AGPAT3: variants seen among roughly 807,000 people sequenced by gnomAD.
The protein encoded by AGPAT3 is 1-acyl-sn-glycerol-3-phosphate acyltransferase gamma.
AGPAT3 carries 5 observed loss-of-function variants against 47.3 expected under a neutral mutation model. The observed-to-expected ratio is 0.11, with a 90% CI of 0.06 to 0.22. The LOEUF (loss-of-function observed/expected upper bound fraction) is 0.22. AGPAT3 is among the 10% of genes least tolerant of loss of function. AGPAT3 has a pLI of 1.00. For missense variants in AGPAT3, 315 were observed against 493.0 expected (o/e 0.64, Z 3.42); for synonymous variants, 212 against 208.3 (o/e 1.02, Z -0.15).
In AGPAT3 at chr21:43,970,781, C is replaced by T. The variant is rs369879488; in HGVS notation, c.639C>T (p.Thr213=). Residue 213 remains threonine, a synonymous_variant, in exon 6 of 10, where the codon ACC becomes ACT. Transcript: ENST00000291572. The surrounding 1 kb of genome is among the most constrained non-coding windows in gnomAD (Gnocchi z 5.8). ...HLLPRTKGFT[T]AVKCLRGTVA... ...TGCCGCGGACCAAGGGCTTCACCAC[C>T]GCAGTCAAGTGCCTCCGGGGGACAG... The T allele has an allele frequency of 2.9e-5, 47 of 1,594,644 alleles. No homozygotes were observed. The highest frequency in any genetic ancestry group is 1.2e-4 in the Admixed American group (7 of 59,098).
chr21:43,899,267 TTGATG>T (rs2086297162), intron 1 of AGPAT3, among the ~76,000 whole-genome samples: 1 of 152,234 alleles, frequency 6.6e-6, no homozygotes, highest in Non-Finnish European at 1.5e-5. Flanking sequence ...TTTCAGCACT[TTGATG>T]TCAGCCTCTG....
At chr21:43,866,117 A>G (rs1601170826) in intron 1 of AGPAT3, among the ~76,000 whole-genome samples, 2 of 122,732 alleles carry the variant, frequency 1.6e-5, no homozygotes, top group African/African-American at 5.7e-5. Context: ...AAAATGGTGC[A>G]GTGTTTTTTT....
chr21:43,901,186 A>G (rs895520147), intron 1 of AGPAT3, among the ~76,000 whole-genome samples: 4 of 152,156 alleles, frequency 2.6e-5, no homozygotes, highest in South Asian at 2.1e-4. Context: ...TTAGCTGGGC[A>G]TAGTGGTATG....
rs1251617090 is a variant in AGPAT3 at position 43,922,055 on chromosome 21, A to G, written c.-49+18036A>G. On this transcript the variant is annotated intron_variant, in intron 2 of 9. Transcript: ENST00000291572. This position sits in a 1 kb window ranked among gnomAD's most constrained non-coding sequence, Gnocchi z 4.9. ...AGCAAATACTTGATAGATTGTTGTG[A>G]GAATGTGGGCTTCCTTATTTGGGGG... Among the ~76,000 whole-genome samples, 2 of 152,186 alleles carry G rather than the reference A, an allele frequency of 1.3e-5. No homozygotes were observed. Among genetic ancestry groups the G allele is most frequent in the African/African-American group, 4.8e-5 (2 of 41,434 alleles).
rs2087367341 is a variant in AGPAT3, at chr21:43,934,530, G to A, written c.-48-25104G>A. ...GGTGTCAGAGACGGGAAAGGACCTG[G>A]AAGAAAAGAACTGTTTCCTTTAGGC... On this transcript the variant is annotated intron_variant, in intron 2 of 9. Transcript: ENST00000291572. This position sits in a 1 kb window ranked among gnomAD's most constrained non-coding sequence, Gnocchi z 4.7. 1.3e-5 allele frequency among the ~76,000 whole-genome samples: 2 copies of A among 152,344 alleles called. No individual in the cohort carries two copies. The highest frequency in any genetic ancestry group is 4.1e-4 in the South Asian group (2 of 4,828).
At chr21:43,960,192 G>C (rs896464846) in intron 3 of AGPAT3, among the ~76,000 whole-genome samples, 1 of 152,202 alleles carries the variant, frequency 6.6e-6, no homozygotes, top group Admixed American at 6.5e-5. Context: ...ATGGCCCCTC[G>C]TGTGTCCTGC....
At chr21:43,927,284 G>GTA (rs1569069099) in intron 2 of AGPAT3, among the ~76,000 whole-genome samples, 1 of 152,072 alleles carries the variant, frequency 6.6e-6, no homozygotes, top group Non-Finnish European at 1.5e-5. Context: ...TACATAGTAG[G>GTA]TATATATATT....
At chr21:43,944,248 A>T (rs1349651177) in intron 2 of AGPAT3, among the ~76,000 whole-genome samples, 3 of 152,216 alleles carry the variant, frequency 2.0e-5, no homozygotes, top group Non-Finnish European at 4.4e-5. Context: ...GCCACTCTGG[A>T]GCGATGGCTA....
chr21:43,876,253 A>T (rs534004608), intron 1 of AGPAT3, among the ~76,000 whole-genome samples: 1 of 152,292 alleles, frequency 6.6e-6, no homozygotes, highest in East Asian at 1.9e-4. Flanking sequence ...GTAACTAATA[A>T]TACCAAAGTA....
At position 43,934,392 on chromosome 21, in the gene AGPAT3, G is replaced by T. The variant is rs947564032; in HGVS notation, c.-48-25242G>T. Among the ~76,000 whole-genome samples the T allele has an allele frequency of 2.0e-5, 3 of 152,250 alleles. No homozygotes were observed. The highest frequency in any genetic ancestry group is 7.2e-5 in the African/African-American group (3 of 41,466). On this transcript the variant is annotated intron_variant, in intron 2 of 9. Coordinates refer to ENST00000291572, the MANE Select transcript of AGPAT3 (RefSeq NM_020132.5). This position sits in a 1 kb window ranked among gnomAD's most constrained non-coding sequence, Gnocchi z 4.7. ...CTTCATAAGAGGCCACAGAGGCTCCGCAAGTCCCCAGGCCGTCGGCTGCCT... is the reference window on the plus strand; with the variant it reads ...CTTCATAAGAGGCCACAGAGGCTCCTCAAGTCCCCAGGCCGTCGGCTGCCT...
intron 7 of AGPAT3, among the ~76,000 whole-genome samples, chr21:43,975,971 G>T (rs928273161): frequency 1.4e-5 from 2 of 144,274 alleles, no homozygotes; most frequent in Non-Finnish European, 3.0e-5. Context: ...GCAGGGATGT[G>T]TGTTTTTCTT....
rs944680447 is a variant in AGPAT3, at chr21:43,982,583, C to G, written c.*191C>G. Reference sequence around the variant, plus strand: ...AGGTGAAGTCTTCAGCCTCCCACAGCGCAGGGTCCCAGCATCTCCACGCGC... The same window carrying G: ...AGGTGAAGTCTTCAGCCTCCCACAGGGCAGGGTCCCAGCATCTCCACGCGC... On this transcript the variant is annotated 3_prime_UTR_variant, in exon 10 of 10. Transcript: ENST00000291572. This position sits in a 1 kb window ranked among gnomAD's most constrained non-coding sequence, Gnocchi z 6.2. 3.9e-6 allele frequency: 2 copies of G among 508,902 alleles called. No homozygotes were observed. The highest frequency in any genetic ancestry group is 7.0e-6 in the Non-Finnish European group (2 of 285,276). The allele number at this position is 508,902 out of a possible 1,614,324, so 31.5% of individuals were successfully genotyped here. A position where few individuals can be genotyped will look rare whatever the true frequency, so the allele number is the denominator to read the frequency against.
intron 8 of AGPAT3, among the ~76,000 whole-genome samples, chr21:43,980,083 C>G (rs2089783979): frequency 6.6e-6 from 1 of 152,024 alleles, no homozygotes; most frequent in Non-Finnish European, 1.5e-5. Flanking sequence ...GAGTTCGAGA[C>G]AAGCCTGGCC....
At chr21:43,887,716 G>A (rs982092272) in intron 1 of AGPAT3, among the ~76,000 whole-genome samples, 1 of 152,206 alleles carries the variant, frequency 6.6e-6, no homozygotes, top group Non-Finnish European at 1.5e-5. Context: ...GTGTAGTGGC[G>A]TGATCTTAGC....
At position 43,955,255 on chromosome 21, in the gene AGPAT3, A is replaced by T. The variant is rs1442249674; in HGVS notation, c.-48-4379A>T. 2.5e-6 allele frequency: 3 copies of T among 1,195,192 alleles called. No individual in the cohort carries two copies. Among genetic ancestry groups the T allele is most frequent in the Non-Finnish European group, 2.1e-6 (2 of 934,830 alleles). The allele number at this position is 1,195,192 out of a possible 1,614,324, so 74.0% of individuals were successfully genotyped here. A position where few individuals can be genotyped will look rare whatever the true frequency, so the allele number is the denominator to read the frequency against. The stretch of plus-strand genomic sequence containing the variant: ...ACCTCTAGAAAAGGTAAATTAACCT[A>T]TAGAGCTGGAAAGCTGACCTGCATT... On this transcript the variant is annotated intron_variant, in intron 2 of 9. Transcript: ENST00000291572. This position sits in a 1 kb window ranked among gnomAD's most constrained non-coding sequence, Gnocchi z 4.1.
rs2089350278 is a variant in AGPAT3 at position 43,970,557 on chromosome 21, A to G, written c.511-96A>G. On this transcript the variant is annotated intron_variant, in intron 5 of 9. Coordinates refer to ENST00000291572, the MANE Select transcript of AGPAT3 (RefSeq NM_020132.5). This position sits in a 1 kb window ranked among gnomAD's most constrained non-coding sequence, Gnocchi z 5.8. ...TTCCAAGATTTCCACAAATTCAGCC[A>G]CAACCTTTGCTGCCTGTCAGAGAGG... 1 of 1,378,972 alleles carries G rather than the reference A, an allele frequency of 7.3e-7. No individual in the cohort carries two copies. Among genetic ancestry groups the G allele is most frequent in the East Asian group, 2.5e-5 (1 of 40,062 alleles). The allele number at this position is 1,378,972 out of a possible 1,614,324, so 85.4% of individuals were successfully genotyped here. A position where few individuals can be genotyped will look rare whatever the true frequency, so the allele number is the denominator to read the frequency against.
rs1307235320 is a variant in AGPAT3 at position 43,909,350 on chromosome 21, T to C, written c.-49+5331T>C. Among the ~76,000 whole-genome samples the C allele has an allele frequency of 2.7e-5, 4 of 147,252 alleles. No homozygotes were observed. The East Asian group carries it at 6.1e-4, about 23-fold the overall frequency. On this transcript the variant is annotated intron_variant, in intron 2 of 9. Coordinates refer to ENST00000291572, the MANE Select transcript of AGPAT3 (RefSeq NM_020132.5). The stretch of plus-strand genomic sequence containing the variant: ...TCACTCTGTCGCCCAGGCCGGAGTG[T>C]GGTGGCGTGATCTCGGCTCACCGCA...
chr21:43,954,259 C>T lies in AGPAT3; in HGVS notation c.-48-5375C>T, dbSNP rs544406088. On this transcript the variant is annotated intron_variant, in intron 2 of 9. Transcript: ENST00000291572. This position sits in a 1 kb window ranked among gnomAD's most constrained non-coding sequence, Gnocchi z 4.0. The stretch of plus-strand genomic sequence containing the variant: ...CAGGGAGGGAGGTGGCCTCTGCCTG[C>T]TGCCATTGGAGGTTTGTGCAGTCAG... Among the ~76,000 whole-genome samples, 1 of 152,324 alleles carries T rather than the reference C, an allele frequency of 6.6e-6. No homozygotes were observed. The highest frequency in any genetic ancestry group is 1.9e-4 in the East Asian group (1 of 5,166).
rs368845601 is a variant in AGPAT3 at position 43,962,102 on chromosome 21, G to A, written c.178+2243G>A. Among the ~76,000 whole-genome samples, 15 of 151,184 alleles carry A rather than the reference G, an allele frequency of 9.9e-5. 2 individuals are homozygous for A. Among genetic ancestry groups the A allele is most frequent in the African/African-American group, 3.2e-4 (13 of 41,076 alleles). ...TGCAAGCTCTGCCTCCTGGGTTCACGCCATTCTCCTGCCTCAGCCTCCCGA... is the reference window on the plus strand; with the variant it reads ...TGCAAGCTCTGCCTCCTGGGTTCACACCATTCTCCTGCCTCAGCCTCCCGA... On this transcript the variant is annotated intron_variant, in intron 3 of 9. Transcript: ENST00000291572.
Sources: allele counts gnomAD v4.1 joint callset (sites outside exome capture counted in the v4.1 genomes callset), GRCh38; gene constraint gnomAD v4.1.1; non-coding constraint Gnocchi (gnomAD v3.1); transcripts MANE v1.5; gene names NCBI Gene and HGNC (gene_info 2026-07-23, HGNC 2026-07-21).